MAP3K2: variants seen among roughly 807,000 people sequenced by gnomAD.
The protein encoded by MAP3K2 is MAP/ERK kinase kinase 2.
MAP3K2 carries 24 observed loss-of-function variants against 80.3 expected under a neutral mutation model. That is an observed-to-expected ratio of 0.30 (90% CI 0.22 to 0.42). The LOEUF is 0.42. Among genes scored for constraint, MAP3K2 ranks in the 10% least tolerant of loss-of-function variants. The probability of loss-of-function intolerance (pLI) is 1.00; values close to 1 mark genes in which losing one functional copy is unlikely to be tolerated. For missense variants in MAP3K2, 608 were observed against 750.1 expected, an observed-to-expected ratio of 0.81 and a Z score of 2.21; for synonymous variants, 244 against 253.7, an observed-to-expected ratio of 0.96 and a Z score of 0.36.
In MAP3K2 at chr2:127,310,687, G is replaced by A. The variant is rs568469805; in HGVS notation, c.1457-1925C>T. 6.6e-5 allele frequency among the ~76,000 whole-genome samples: 10 copies of A among 151,814 alleles called. No homozygotes were observed. Among genetic ancestry groups the A allele is most frequent in the African/African-American group, 2.4e-4 (10 of 41,386 alleles). On this transcript the variant is annotated intron_variant, in intron 15 of 16. Transcript: ENST00000682094. This position sits in a 1 kb window ranked among gnomAD's most constrained non-coding sequence, Gnocchi z 4.8. ...AACAAAAAACCAAGCTTGGGCACTA[G>A]GCTCACTTGTTTTTTATTCTCTATT... is the stretch of plus-strand genomic sequence containing the variant.
chr2:127,368,666 A>G (rs1687012781), intron 1 of MAP3K2, among the ~76,000 whole-genome samples: 1 of 152,194 alleles, frequency 6.6e-6, no homozygotes, highest in Admixed American at 6.5e-5. Flanking sequence ...CAAAGTATTT[A>G]CATATAAACT....
At chr2:127,366,348 G>A (rs1686970891) in intron 1 of MAP3K2, among the ~76,000 whole-genome samples, 1 of 145,814 alleles carries the variant, frequency 6.9e-6, no homozygotes, top group Admixed American at 6.9e-5. Context: ...AGGAGTTTGA[G>A]TACAGCCTGG....
At chr2:127,386,045 C>A (rs1243020938) in intron 1 of MAP3K2, among the ~76,000 whole-genome samples, 1 of 152,218 alleles carries the variant, frequency 6.6e-6, no homozygotes, top group Non-Finnish European at 1.5e-5. Context: ...AAACCATCCA[C>A]ATGTTAACTT....
intron 2 of MAP3K2, among the ~76,000 whole-genome samples, chr2:127,342,694 A>ATGC (rs66672729): frequency 0.013 from 1 of 76 alleles, no homozygotes; most frequent in Admixed American, 0.17. Context: ...GGAAAACAAA[A>ATGC]TATGTAAACT....
At chr2:127,314,943 ATTAAATC>A in intron 14 of MAP3K2, 60 bp from the exon 15 acceptor site, 1 of 1,257,106 alleles carries the variant, frequency 8.0e-7, no homozygotes, top group Non-Finnish European at 1.1e-6. Flanking sequence ...GAAAACTGCT[ATTAAATC>A]TTTATCAGTA....
intron 1 of MAP3K2, among the ~76,000 whole-genome samples, chr2:127,359,149 G>C (rs1384005254): frequency 6.6e-6 from 1 of 152,062 alleles, no homozygotes; most frequent in East Asian, 1.9e-4. Context: ...CACTGTATCT[G>C]TCAAAACCCC....
At chr2:127,387,155 T>C (rs12989081) in intron 1 of MAP3K2, among the ~76,000 whole-genome samples, 96,245 of 151,960 alleles carry the variant, frequency 0.63, 30,791 homozygotes, top group Admixed American at 0.73. Flanking sequence ...CATTTCTGCT[T>C]CATCCCAAGA....
chr2:127,336,109 C>T (rs760079435), intron 4 of MAP3K2, 140 bp from the exon 5 acceptor site: 3 of 516,346 alleles, frequency 5.8e-6, no homozygotes, highest in Non-Finnish European at 6.9e-6. Context: ...TACAACAGCA[C>T]ATTTTTTAAC....
chr2:127,334,774 AT>A (rs11378420), intron 5 of MAP3K2, among the ~76,000 whole-genome samples: 27 of 141,318 alleles, frequency 1.9e-4, no homozygotes, highest in African/African-American at 5.8e-4. Context: ...TACTTTATGC[AT>A]TTTTTTTTTT....
rs1558973729 is a variant in MAP3K2 at position 127,314,739 on chromosome 2, T to C, written c.1456+15A>G. 1 of 1,581,654 alleles carries C rather than the reference T, an allele frequency of 6.3e-7. No homozygotes were observed. On this transcript the variant is annotated intron_variant, in intron 15 of 16. Transcript: ENST00000682094. ...AGAACTGTGTACTTAAAATAGAAAA[T>C]ACCTCATTACTTACCTTTGATATCT...
chr2:127,373,559 T>G (rs1048064748), intron 1 of MAP3K2, among the ~76,000 whole-genome samples: 2 of 152,192 alleles, frequency 1.3e-5, no homozygotes, highest in South Asian at 2.1e-4. Flanking sequence ...GGTATTTAAC[T>G]CCTACGGCAC....
At chr2:127,326,616 T>C in intron 8 of MAP3K2, 71 bp downstream of exon 8, 11 of 1,179,878 alleles carry the variant, frequency 9.3e-6, no homozygotes, top group Non-Finnish European at 1.3e-5. Context: ...CACACCCAGT[T>C]ACGTGCCAAA....
Position 127,307,553 on chromosome 2 carries a change from A to G in MAP3K2, c.*26T>C, listed in dbSNP as rs1376882561. 3 of 1,477,706 alleles carry G rather than the reference A, an allele frequency of 2.0e-6. No homozygotes were observed. The highest frequency in any genetic ancestry group is 2.8e-6 in the Non-Finnish European group (3 of 1,080,476). The allele number at this position is 1,477,706 out of a possible 1,614,324, so 91.5% of individuals were successfully genotyped here. Reference sequence around the variant, plus strand: ...GTGAATGAATAGATGGGAGCTAGGTAGAGGCACAGGAGAGGTTACTGGCTG... The same window carrying G: ...GTGAATGAATAGATGGGAGCTAGGTGGAGGCACAGGAGAGGTTACTGGCTG... On this transcript the variant is annotated 3_prime_UTR_variant, in exon 17 of 17. Coordinates refer to ENST00000682094, the MANE Select transcript of MAP3K2 (RefSeq NM_001371910.2). The surrounding 1 kb of genome is among the most constrained non-coding windows in gnomAD (Gnocchi z 5.4).
chr2:127,368,458 T>C (rs1017094383), intron 1 of MAP3K2, among the ~76,000 whole-genome samples: 24 of 151,774 alleles, frequency 1.6e-4, no homozygotes, highest in South Asian at 2.1e-4. Flanking sequence ...CCATCTCTAC[T>C]AAAAATACAA....
chr2:127,369,274 G>T (rs115821808), intron 1 of MAP3K2, among the ~76,000 whole-genome samples: 2,497 of 151,030 alleles, frequency 0.017, 70 homozygotes, highest in African/African-American at 0.057. Context: ...TCTATCTGTG[G>T]TTGGTTGAAT....
intron 2 of MAP3K2, among the ~76,000 whole-genome samples, chr2:127,341,037 T>A (rs1290047858): frequency 6.6e-6 from 1 of 152,102 alleles, no homozygotes; most frequent in Non-Finnish European, 1.5e-5. Flanking sequence ...TTGCCCAGGA[T>A]GGAGTGCAGT....
At chr2:127,313,057 C>T (rs1449646182) in intron 15 of MAP3K2, among the ~76,000 whole-genome samples, 6 of 152,010 alleles carry the variant, frequency 3.9e-5, no homozygotes, top group African/African-American at 1.4e-4. Flanking sequence ...CTAGGTCATA[C>T]TTGAATTTTA....
chr2:127,384,213 G>GATATATGTATATATATATAT (rs1687303919), intron 1 of MAP3K2, among the ~76,000 whole-genome samples: 1 of 144,452 alleles, frequency 6.9e-6, no homozygotes. Context: ...ATTTTTAATT[G>GATATATGTATATATATATAT]ATATATATAT....
In MAP3K2 at chr2:127,349,886, G is replaced by A. The variant is rs559454294; in HGVS notation, c.-65-6692C>T. 1.2e-4 allele frequency among the ~76,000 whole-genome samples: 18 copies of A among 152,084 alleles called. 2 individuals carry two copies. The South Asian group carries it at 2.7e-3, about 23-fold the overall frequency. On this transcript the variant is annotated intron_variant, in intron 1 of 16. Transcript: ENST00000682094. ...GAAATTTTTCAGGTGGTTTTGTTTT[G>A]TTTTCTGTGACAGGGTCTTGCACTG...
Sources: allele counts gnomAD v4.1 joint callset (sites outside exome capture counted in the v4.1 genomes callset), GRCh38; gene constraint gnomAD v4.1.1; non-coding constraint Gnocchi (gnomAD v3.1); transcripts MANE v1.5; gene names NCBI Gene and HGNC (gene_info 2026-07-23, HGNC 2026-07-21).